The following TJP1 variants were observed in gnomAD, a reference collection of about 807,000 sequenced individuals.
TJP1 encodes the protein tight junction protein 1, also known as tight junction protein ZO-1.
In TJP1, 43 loss-of-function variants were observed where a neutral mutation model predicts 194.2. That is an observed-to-expected ratio of 0.22 (90% confidence interval 0.17 to 0.29). TJP1 has a LOEUF of 0.29. TJP1 is among the 10% of genes least tolerant of loss of function. The probability of loss-of-function intolerance (pLI) is 1.00; values close to 1 mark genes in which losing one functional copy is unlikely to be tolerated. For synonymous variants in TJP1, 801 were observed against 779.0 expected (o/e 1.03, Z -0.47); for missense variants, 1,971 against 2,185.7 (o/e 0.90, Z 1.96).
intron 2 of TJP1, among the ~76,000 whole-genome samples, chr15:29,945,152 T>C (rs1052922143): frequency 1.3e-5 from 2 of 152,176 alleles, no homozygotes; most frequent in Admixed American, 1.3e-4. Context: ...GTGTTTCAAG[T>C]ATATGGTCAC....
At chr15:29,958,348 T>A (rs2056026468) in intron 1 of TJP1, among the ~76,000 whole-genome samples, 1 of 152,052 alleles carries the variant, frequency 6.6e-6, no homozygotes, top group Non-Finnish European at 1.5e-5. Context: ...GTAGCTGGAT[T>A]TTTTTCTTTC....
intron 2 of TJP1, among the ~76,000 whole-genome samples, chr15:29,878,662 C>T (rs1296026907): frequency 1.3e-5 from 2 of 152,026 alleles, no homozygotes; most frequent in African/African-American, 2.4e-5. Flanking sequence ...ATTTTAGTTT[C>T]ATAGCTCTGT....
At chr15:29,861,453 C>A (rs1052116329) in intron 2 of TJP1, among the ~76,000 whole-genome samples, 3 of 152,080 alleles carry the variant, frequency 2.0e-5, no homozygotes, top group African/African-American at 4.8e-5. Context: ...AAAAATCAGA[C>A]CTTGGTGATG....
At chr15:29,871,402 T>C (rs1025250267) in intron 2 of TJP1, among the ~76,000 whole-genome samples, 1 of 152,210 alleles carries the variant, frequency 6.6e-6, no homozygotes, top group African/African-American at 2.4e-5. Flanking sequence ...ACTCCCACCA[T>C]GCCCTCGTGG....
intron 2 of TJP1, among the ~76,000 whole-genome samples, chr15:29,777,766 C>A (rs1448981825): frequency 2.0e-5 from 3 of 152,142 alleles, no homozygotes; most frequent in African/African-American, 7.2e-5. Context: ...TAAAGATACA[C>A]ATACCTCTCT....
At chr15:29,771,653 T>A (rs1353096120) in intron 4 of TJP1, among the ~76,000 whole-genome samples, 1 of 151,452 alleles carries the variant, frequency 6.6e-6, no homozygotes, top group Non-Finnish European at 1.5e-5. Context: ...AAAATACAAA[T>A]AATTAGCCGG....
chr15:29,726,260 C>G (rs1479268238), intron 18 of TJP1, 119 bp downstream of exon 18: 13 of 862,366 alleles, frequency 1.5e-5, no homozygotes, highest in Non-Finnish European at 2.2e-5. Flanking sequence ...TAAAAGCTAA[C>G]TTTCCCCAAA....
chr15:29,702,448 C>A (rs559116951), intron 27 of TJP1, among the ~76,000 whole-genome samples: 1 of 152,298 alleles, frequency 6.6e-6, no homozygotes, highest in East Asian at 1.9e-4. Context: ...GGTGTCCAAG[C>A]AAGCTGAGAG....
intron 2 of TJP1, among the ~76,000 whole-genome samples, chr15:29,890,049 C>T (rs2053249218): frequency 1.3e-5 from 2 of 152,148 alleles, no homozygotes; most frequent in South Asian, 4.2e-4. Flanking sequence ...TCTCCTCTTC[C>T]ACCCCTCTCT....
At chr15:29,754,873 G>A (rs969073654) in intron 8 of TJP1, among the ~76,000 whole-genome samples, 1 of 152,100 alleles carries the variant, frequency 6.6e-6, no homozygotes, top group Non-Finnish European at 1.5e-5. Flanking sequence ...AAGTTTCAGA[G>A]AAAATTAAGC....
chr15:29,834,180 C>T (rs1322523952), intron 2 of TJP1, among the ~76,000 whole-genome samples: 1 of 147,734 alleles, frequency 6.8e-6, no homozygotes, highest in Non-Finnish European at 1.5e-5. Context: ...TGGGCCCGGC[C>T]GTAAGTATAT....
At chr15:29,949,238 T>TCCA (rs770850902) in intron 2 of TJP1, among the ~76,000 whole-genome samples, 2,035 of 40,248 alleles carry the variant, frequency 0.051, 203 homozygotes, top group East Asian at 0.1. Context: ...CACCACTACC[T>TCCA]CCACCTTCAC....
At chr15:29,724,559 TAAG>T (rs1016980192) in intron 18 of TJP1, among the ~76,000 whole-genome samples, 6 of 152,198 alleles carry the variant, frequency 3.9e-5, no homozygotes, top group African/African-American at 9.7e-5. Context: ...GGAAATATGT[TAAG>T]AAAGCCTCAG....
chr15:29,801,682 C>T (rs1006993967), intron 1 of TJP1, among the ~76,000 whole-genome samples: 1 of 151,412 alleles, frequency 6.6e-6, no homozygotes, highest in Admixed American at 6.6e-5. Flanking sequence ...GGGATGGTCT[C>T]GATCTCCTGA....
upstream of TJP1, among the ~76,000 whole-genome samples, chr15:29,826,874 TG>T (rs1238061019): frequency 6.6e-6 from 1 of 152,100 alleles, no homozygotes; most frequent in African/African-American, 2.4e-5. Context: ...ATGTGTGTTT[TG>T]TAAGTGAAGG....
At chr15:29,881,906 G>A (rs116310572) in intron 2 of TJP1, among the ~76,000 whole-genome samples, 200 of 151,784 alleles carry the variant, frequency 1.3e-3, no homozygotes, top group African/African-American at 4.5e-3. Flanking sequence ...TTTGCAAAGA[G>A]TCTGACAGAT....
At chr15:29,838,919 TTTA>T (rs1365745655) in intron 2 of TJP1, among the ~76,000 whole-genome samples, 1 of 152,088 alleles carries the variant, frequency 6.6e-6, no homozygotes, top group African/African-American at 2.4e-5. Context: ...TTCCTTGAGG[TTTA>T]TACAAGTTGT....
intron 2 of TJP1, among the ~76,000 whole-genome samples, chr15:29,934,495 T>C (rs1247581253): frequency 6.6e-6 from 1 of 152,186 alleles, no homozygotes; most frequent in Non-Finnish European, 1.5e-5. Context: ...GTCACTGTGA[T>C]CTTCCCAATC....
intron 2 of TJP1, among the ~76,000 whole-genome samples, chr15:29,949,883 A>AT (rs2055589432): frequency 1.0e-5 from 1 of 99,584 alleles, no homozygotes; most frequent in Non-Finnish European, 2.0e-5. Flanking sequence ...CTCCACAACC[A>AT]CCACCTCCAC....
Sources: allele counts gnomAD v4.1 joint callset (sites outside exome capture counted in the v4.1 genomes callset), GRCh38; gene constraint gnomAD v4.1.1; transcripts MANE v1.5; gene names NCBI Gene and HGNC (gene_info 2026-07-23, HGNC 2026-07-21).